The following SH3RF3 variants were observed in gnomAD, a reference collection of about 807,000 sequenced individuals.
SH3RF3 encodes E3 ubiquitin-protein ligase SH3RF3.
SH3RF3 carries 29 observed loss-of-function variants against 66.3 expected under a neutral mutation model. That is an observed-to-expected ratio of 0.44 (90% CI 0.33 to 0.60). The LOEUF is 0.60. Among genes scored for constraint, SH3RF3 ranks in the 20% least tolerant of loss-of-function variants. The pLI is 0.04. For missense variants in SH3RF3, 1,194 were observed against 1,190.9 expected (o/e 1.00, Z -0.04); for synonymous variants, 583 against 532.0 (o/e 1.10, Z -1.32).
intron 1 of SH3RF3, among the ~76,000 whole-genome samples, chr2:109,222,904 G>A (rs912180279): frequency 2.6e-5 from 4 of 152,270 alleles, no homozygotes; most frequent in Admixed American, 1.3e-4. Flanking sequence ...TCCCACATGG[G>A]GACTCAGCCA....
At chr2:109,425,212 A>C (rs1676994836) in intron 5 of SH3RF3, among the ~76,000 whole-genome samples, 1 of 152,230 alleles carries the variant, frequency 6.6e-6, no homozygotes, top group African/African-American at 2.4e-5. Flanking sequence ...CTAAAGGAGG[A>C]AAGTTTGAAG....
intron 8 of SH3RF3, among the ~76,000 whole-genome samples, chr2:109,450,022 T>C (rs1424423172): frequency 6.6e-6 from 1 of 152,154 alleles, no homozygotes; most frequent in Non-Finnish European, 1.5e-5. Flanking sequence ...TTTTTAGCTA[T>C]TCTTTTAGCC....
chr2:109,175,515 A>C (rs549181700), intron 1 of SH3RF3, among the ~76,000 whole-genome samples: 1 of 152,358 alleles, frequency 6.6e-6, no homozygotes, highest in South Asian at 2.1e-4. Context: ...AACTGAGAGC[A>C]AACAAGGATG....
In SH3RF3 at chr2:109,437,141, C is replaced by T. The variant is rs1677428260; in HGVS notation, c.1823C>T (p.Ser608Leu). ...PTASQARSTI[S>L]TAAHSAAQAQ... ...GCCAGCCAAGCCCGGAGCACCATTT[C>T]AACAGGTACCTTCACAGGGGCCTCA... Residue 608 changes from serine to leucine, a missense_variant, in exon 7 of 10, where the codon TCA becomes TTA. Physicochemically the swap from Ser to Leu is moderately radical, Grantham distance 145. Coordinates refer to ENST00000309415, the MANE Select transcript of SH3RF3 (RefSeq NM_001099289.3). 6.2e-7 allele frequency: 1 copy of T among 1,609,046 alleles called. No homozygotes were observed. The highest frequency in any genetic ancestry group is 1.3e-5 in the African/African-American group (1 of 74,858).
At chr2:109,203,347 A>G (rs989232067) in intron 1 of SH3RF3, among the ~76,000 whole-genome samples, 2 of 152,180 alleles carry the variant, frequency 1.3e-5, no homozygotes, top group Non-Finnish European at 2.9e-5. Flanking sequence ...GGAGCTTGCT[A>G]GTCCTTATGC....
intron 1 of SH3RF3, among the ~76,000 whole-genome samples, chr2:109,270,927 C>T (rs538232103): frequency 1.6e-4 from 24 of 152,308 alleles, no homozygotes; most frequent in African/African-American, 4.3e-4. Flanking sequence ...GAGACACCAG[C>T]GGGGCCCTCC....
rs965860364 is a variant in SH3RF3, at chr2:109,490,943, G to A, written c.2480+7G>A. 2.0e-6 allele frequency: 3 copies of A among 1,477,974 alleles called. No homozygotes were observed. Among genetic ancestry groups the A allele is most frequent in the Admixed American group, 4.3e-5 (2 of 46,562 alleles). The allele number at this position is 1,477,974 out of a possible 1,614,324, so 91.6% of individuals were successfully genotyped here. A position where few individuals can be genotyped will look rare whatever the true frequency, so the allele number is the denominator to read the frequency against. ...AGCTGTTGCCCAGAGAGAGGTAAGT[G>A]CAGGGGCTTGTCTGCTCTGTGGCAT... On this transcript the variant is annotated splice_region_variant and intron_variant, in intron 9 of 9. Coordinates refer to ENST00000309415, the MANE Select transcript of SH3RF3 (RefSeq NM_001099289.3).
At chr2:109,169,437 C>A (rs1035929706) in intron 1 of SH3RF3, among the ~76,000 whole-genome samples, 1 of 151,918 alleles carries the variant, frequency 6.6e-6, no homozygotes, top group African/African-American at 2.4e-5. Context: ...CAGCTCAGCT[C>A]CCTGTGGTGG....
rs562282246 is a variant in SH3RF3 at position 109,429,950 on chromosome 2, C to T, written c.1404-2551C>T. The stretch of plus-strand genomic sequence containing the variant: ...AGCGGGTGTAGCCGCAGCCAATCCA[C>T]GGAACAAGGCCTCCACAGAGCACAG... On this transcript the variant is annotated intron_variant, in intron 5 of 9. Coordinates refer to ENST00000309415, the MANE Select transcript of SH3RF3 (RefSeq NM_001099289.3). 1.7e-3 allele frequency among the ~76,000 whole-genome samples: 266 copies of T among 152,314 alleles called. 1 individual carries two copies. Among genetic ancestry groups the T allele is most frequent in the African/African-American group, 5.9e-3 (246 of 41,566 alleles).
chr2:109,387,268 TCACCTGTGCAA>T (rs1383013472), intron 3 of SH3RF3, among the ~76,000 whole-genome samples: 1 of 152,226 alleles, frequency 6.6e-6, no homozygotes, highest in East Asian at 1.9e-4. Flanking sequence ...TCCAAGTGCC[TCACCTGTGCAA>T]CCTTTTCTCA....
intron 1 of SH3RF3, among the ~76,000 whole-genome samples, chr2:109,250,147 T>TC (rs1433522232): frequency 3.3e-5 from 5 of 151,976 alleles, no homozygotes; most frequent in African/African-American, 1.2e-4. Context: ...TTAAGGTTTT[T>TC]CTCTGTCTTT....
chr2:109,300,187 G>C (rs780715964), intron 1 of SH3RF3, among the ~76,000 whole-genome samples: 1 of 152,026 alleles, frequency 6.6e-6, no homozygotes. Context: ...GCTCTCGAGA[G>C]GGCATCCTGA....
intron 1 of SH3RF3, among the ~76,000 whole-genome samples, chr2:109,155,800 G>A (rs1217904562): frequency 5.3e-5 from 8 of 152,218 alleles, no homozygotes; most frequent in African/African-American, 1.4e-4. Context: ...TGTGAATAAC[G>A]TAGAATGGAA....
intron 3 of SH3RF3, among the ~76,000 whole-genome samples, chr2:109,395,764 C>A (rs1460169508): frequency 6.6e-6 from 1 of 152,218 alleles, no homozygotes; most frequent in Non-Finnish European, 1.5e-5. Context: ...GTGCTTCTGG[C>A]TGCTGTGTCT....
In SH3RF3 at chr2:109,432,548, A is replaced by G. The variant is rs763145974; in HGVS notation, c.1451A>G (p.Glu484Gly). 6.2e-7 allele frequency: 1 copy of G among 1,613,660 alleles called. No individual in the cohort carries two copies. Among genetic ancestry groups the G allele is most frequent in the South Asian group, 1.1e-5 (1 of 90,958 alleles). ...AYKPQKSDEL[E>G]LHKGEMYRVL... ...AAGCCCCAGAAGAGTGACGAGCTGGAGCTGCACAAGGGAGAGATGTACCGG... is the reference window on the plus strand; with the variant it reads ...AAGCCCCAGAAGAGTGACGAGCTGGGGCTGCACAAGGGAGAGATGTACCGG... The change falls in exon 6 of 10, where the codon GAG (glutamate) becomes GGG (glycine). Residue 484 changes from glutamate (E) to glycine (G), a missense_variant. Coordinates refer to ENST00000309415, the MANE Select transcript of SH3RF3 (RefSeq NM_001099289.3).
intron 1 of SH3RF3, among the ~76,000 whole-genome samples, chr2:109,272,531 G>T (rs995515016): frequency 1.3e-5 from 2 of 152,240 alleles, no homozygotes; most frequent in African/African-American, 4.8e-5. Context: ...GCCGAGTAGG[G>T]TGTGTTTCTT....
chr2:109,253,819 T>C (rs1267789032), intron 1 of SH3RF3, among the ~76,000 whole-genome samples: 1 of 152,172 alleles, frequency 6.6e-6, no homozygotes, highest in Non-Finnish European at 1.5e-5. Flanking sequence ...ATTTATAATT[T>C]GTAATTTAAG....
chr2:109,226,548 T>G (rs189722173), intron 1 of SH3RF3, among the ~76,000 whole-genome samples: 22 of 152,350 alleles, frequency 1.4e-4, no homozygotes, highest in Admixed American at 1.2e-3. Context: ...GTTTAGATTT[T>G]TACTGTTCTT....
In SH3RF3 at chr2:109,501,733, C is replaced by T; in HGVS notation, c.*62C>T. The T allele has an allele frequency of 2.9e-6, 2 of 698,058 alleles. No individual in the cohort carries two copies. Among genetic ancestry groups the T allele is most frequent in the Non-Finnish European group, 5.3e-6 (2 of 377,204 alleles). 43.2% of individuals were successfully genotyped at this position (698,058 alleles called of 1,614,324 possible). A position where few individuals can be genotyped will look rare whatever the true frequency, so the allele number is the denominator to read the frequency against. ...AGGCCGCCTGGGAAGCTCCACGGCA[C>T]ACAGAGAGGGAGCCATGGCGCCCCA... On this transcript the variant is annotated 3_prime_UTR_variant, in exon 10 of 10. Coordinates refer to ENST00000309415, the MANE Select transcript of SH3RF3 (RefSeq NM_001099289.3).
Sources: gnomAD v4.1 joint callset for allele counts (sites outside exome capture counted in the v4.1 genomes callset) on GRCh38, gnomAD v4.1.1 for gene constraint, MANE v1.5 for transcripts, NCBI Gene and HGNC (gene_info 2026-07-23, HGNC 2026-07-21) for gene names.